Variants in RNFT2 observed in about 807,000 individuals in gnomAD.
The protein encoded by RNFT2 is ring finger protein, transmembrane 2.
A neutral mutation model predicts 53.0 loss-of-function variants in RNFT2; 36 were observed. The observed-to-expected ratio is 0.68, with a 90% CI of 0.52 to 0.90. The LOEUF is 0.90. RNFT2 is among the 40% of genes least tolerant of loss of function. The probability of loss-of-function intolerance (pLI) is 0.00; values close to 1 mark genes in which losing one functional copy is unlikely to be tolerated. For missense variants in RNFT2, 514 were observed against 585.6 expected (o/e 0.88, Z 1.26); for synonymous variants, 260 against 253.2 (o/e 1.03, Z -0.26).
chr12:116,783,373 C>T (rs1192582192), intron 7 of RNFT2, among the ~76,000 whole-genome samples: 6 of 152,212 alleles, frequency 3.9e-5, no homozygotes, highest in Non-Finnish European at 8.8e-5. Flanking sequence ...TGGCCTCCTC[C>T]TTGAAACATC....
At chr12:116,811,740 G>A (rs191756779) in intron 7 of RNFT2, among the ~76,000 whole-genome samples, 2 of 152,302 alleles carry the variant, frequency 1.3e-5, no homozygotes, top group African/African-American at 2.4e-5. Context: ...CATGACCCTC[G>A]TGGAAATCCA....
chr12:116,811,465 T>C (rs1256062327), intron 7 of RNFT2, among the ~76,000 whole-genome samples: 1 of 151,982 alleles, frequency 6.6e-6, no homozygotes, highest in Non-Finnish European at 1.5e-5. Context: ...AACCTCTGTT[T>C]CCCAGGTTCA....
chr12:116,836,118 G>A (rs375439137), intron 9 of RNFT2, 63 bp from the exon 10 acceptor site: 2 of 1,591,370 alleles, frequency 1.3e-6, no homozygotes, highest in Non-Finnish European at 1.7e-6. Flanking sequence ...ATCTCACAGT[G>A]CTCCTGAGGG....
chr12:116,769,723 A>T (rs571559305), intron 6 of RNFT2, among the ~76,000 whole-genome samples: 3 of 152,308 alleles, frequency 2.0e-5, no homozygotes, highest in African/African-American at 7.2e-5. Context: ...ATGATTGAAG[A>T]AATAAACATT....
intron 7 of RNFT2, among the ~76,000 whole-genome samples, chr12:116,782,659 A>G (rs80023411): frequency 7.2e-5 from 11 of 152,274 alleles, no homozygotes; most frequent in Middle Eastern, 3.4e-3. Context: ...CCATGGGTCA[A>G]TGCTATTCCT....
intron 7 of RNFT2, among the ~76,000 whole-genome samples, chr12:116,787,031 T>G (rs1873965460): frequency 6.6e-6 from 1 of 152,212 alleles, no homozygotes; most frequent in Admixed American, 6.5e-5. Context: ...AACCTCCCCA[T>G]GCCGATATCC....
At chr12:116,805,119 G>A in intron 7 of RNFT2, among the ~76,000 whole-genome samples, 1 of 74,202 alleles carries the variant, frequency 1.3e-5, no homozygotes, top group East Asian at 4.9e-4. Flanking sequence ...TTAAGACATT[G>A]TCTTTTTTTT....
chr12:116,755,907 C>A, intron 5 of RNFT2: 1 of 1,273,614 alleles, frequency 7.9e-7, no homozygotes, highest in Non-Finnish European at 1.1e-6. Context: ...GCAGTTCCGG[C>A]TGAAAGGAAA....
At chr12:116,755,291 A>C (rs1373612801) in intron 5 of RNFT2, 1 of 647,728 alleles carries the variant, frequency 1.5e-6, no homozygotes, top group African/African-American at 1.9e-5. Context: ...AGCTGTAAGT[A>C]TTTTGGTTTA....
At chr12:116,785,674 G>A (rs780186129) in intron 7 of RNFT2, among the ~76,000 whole-genome samples, 9 of 152,122 alleles carry the variant, frequency 5.9e-5, no homozygotes, top group Non-Finnish European at 8.8e-5. Flanking sequence ...CTCTGTAAAC[G>A]GTGAGTAAGT....
chr12:116,849,247 C>A, intron 10 of RNFT2, 67 bp from the exon 11 acceptor site: 2 of 1,370,708 alleles, frequency 1.5e-6, no homozygotes, highest in Non-Finnish European at 2.0e-6. Context: ...GCCCCTTCTC[C>A]TGCTCCCGAG....
chr12:116,799,087 T>A lies in RNFT2; in HGVS notation c.882+19739T>A, dbSNP rs547230234. Among the ~76,000 whole-genome samples the A allele has an allele frequency of 7.4e-4, 113 of 152,354 alleles. 1 individual carries two copies. The highest frequency in any genetic ancestry group is 2.5e-3 in the African/African-American group (106 of 41,586). On this transcript the variant is annotated intron_variant, in intron 7 of 10. Transcript: ENST00000257575. Reference sequence around the variant, plus strand: ...TATCTGGAGGTTCTGGAGACAAGTCTACTTCCAGGCTCATTAAGGTTGTTG... The same window carrying A: ...TATCTGGAGGTTCTGGAGACAAGTCAACTTCCAGGCTCATTAAGGTTGTTG...
At chr12:116,739,030 C>A (rs1053263320) in intron 1 of RNFT2, among the ~76,000 whole-genome samples, 1 of 152,146 alleles carries the variant, frequency 6.6e-6, no homozygotes, top group African/African-American at 2.4e-5. Flanking sequence ...GCTTCACTGG[C>A]GGGTCATTTT....
chr12:116,810,680 C>T (rs1161721679), intron 7 of RNFT2, among the ~76,000 whole-genome samples: 1 of 152,150 alleles, frequency 6.6e-6, no homozygotes, highest in African/African-American at 2.4e-5. Flanking sequence ...AAGGGCTGAT[C>T]ATTTTTCTCT....
Position 116,766,802 on chromosome 12 carries a change from C to T in RNFT2, c.628-12C>T, listed in dbSNP as rs777758003. On this transcript the variant is annotated splice_polypyrimidine_tract_variant and intron_variant, in intron 5 of 10. Coordinates refer to ENST00000257575, the MANE Select transcript of RNFT2 (RefSeq NM_001382266.1). Reference sequence around the variant, plus strand: ...CACCTTTGATATCACATATCTCTTGCTTTGTCTTCAGGAGAAGAGGTCAGT... The same window carrying T: ...CACCTTTGATATCACATATCTCTTGTTTTGTCTTCAGGAGAAGAGGTCAGT... 2.5e-6 allele frequency: 4 copies of T among 1,573,980 alleles called. No individual in the cohort carries two copies. The East Asian group carries it at 6.9e-5, about 27-fold the overall frequency.
At chr12:116,762,679 C>T (rs553631938) in intron 5 of RNFT2, among the ~76,000 whole-genome samples, 1 of 151,346 alleles carries the variant, frequency 6.6e-6, no homozygotes, top group African/African-American at 2.4e-5. Context: ...TCCCAAGTAG[C>T]GAGATTACAG....
At chr12:116,808,011 C>T (rs905986109) in intron 7 of RNFT2, among the ~76,000 whole-genome samples, 5 of 152,278 alleles carry the variant, frequency 3.3e-5, no homozygotes, top group South Asian at 4.1e-4. Flanking sequence ...TCTTGTTGCC[C>T]AGGCTGGAGG....
At chr12:116,843,752 G>A (rs1877472217) in intron 10 of RNFT2, among the ~76,000 whole-genome samples, 1 of 152,086 alleles carries the variant, frequency 6.6e-6, no homozygotes, top group African/African-American at 2.4e-5. Context: ...ACCAGATTCT[G>A]TCCTCCCATT....
intron 10 of RNFT2, 150 bp downstream of exon 10, chr12:116,836,432 C>T: frequency 1.5e-6 from 1 of 651,750 alleles, no homozygotes; most frequent in Non-Finnish European, 2.7e-6. Flanking sequence ...CCAATCTCAC[C>T]TCTGCCTCTT....
Sources: allele counts gnomAD v4.1 joint callset (sites outside exome capture counted in the v4.1 genomes callset), GRCh38; gene constraint gnomAD v4.1.1; transcripts MANE v1.5; gene names NCBI Gene and HGNC (gene_info 2026-07-23, HGNC 2026-07-21).